The following UST variants were observed in gnomAD, a reference collection of about 807,000 sequenced individuals.
The protein encoded by UST is uronyl 2-sulfotransferase.
A neutral mutation model predicts 45.6 loss-of-function variants in UST; 21 were observed. The ratio of observed to expected loss-of-function variants is 0.46; its 90% CI spans 0.33 to 0.66. UST has a LOEUF of 0.66. Ranked by LOEUF, UST falls within the 30% of genes least tolerant of loss-of-function variation. UST has a pLI of 0.02. For missense variants in UST, 463 were observed against 512.4 expected (o/e 0.90, Z 0.93); for synonymous variants, 215 against 200.6 (o/e 1.07, Z -0.61).
chr6:148,799,701 C>G (rs1044224100), intron 1 of UST, among the ~76,000 whole-genome samples: 1 of 152,112 alleles, frequency 6.6e-6, no homozygotes, highest in African/African-American at 2.4e-5. Context: ...TTATCTCTCT[C>G]TTCCTGCAAT....
At chr6:149,027,553 TC>T (rs1776067125) in intron 7 of UST, 1 of 152,202 alleles carries the variant, frequency 6.6e-6, no homozygotes, top group African/African-American at 2.4e-5. Context: ...TCAAAAATAT[TC>T]CTAGGCAGTC....
intron 1 of UST, among the ~76,000 whole-genome samples, chr6:148,759,108 T>A (rs1776153443): frequency 6.6e-6 from 1 of 152,266 alleles, no homozygotes; most frequent in East Asian, 1.9e-4. Flanking sequence ...TTTCATTAGA[T>A]CCATGATTCT....
intron 1 of UST, among the ~76,000 whole-genome samples, chr6:148,810,329 T>A (rs572469193): frequency 6.6e-6 from 1 of 152,360 alleles, no homozygotes; most frequent in South Asian, 2.1e-4. Flanking sequence ...GTTCAAAAAC[T>A]GTACTTTCAA....
chr6:149,037,456 C>G (rs1056382262), intron 7 of UST, among the ~76,000 whole-genome samples: 5 of 152,166 alleles, frequency 3.3e-5, no homozygotes, highest in African/African-American at 1.2e-4. Flanking sequence ...AAAGAAAACA[C>G]GGAGGCCCAG....
intron 5 of UST, chr6:148,964,804 G>T: frequency 1.9e-6 from 1 of 536,300 alleles, no homozygotes. Flanking sequence ...GTTGTCTTTA[G>T]TGCTAGGTTT....
At chr6:148,762,619 T>G (rs1382813810) in intron 1 of UST, among the ~76,000 whole-genome samples, 1 of 151,956 alleles carries the variant, frequency 6.6e-6, no homozygotes, top group Non-Finnish European at 1.5e-5. Context: ...AGGTTTGGGT[T>G]CCTAGTGTAC....
chr6:148,804,235 C>CA (rs1356365885), intron 1 of UST, among the ~76,000 whole-genome samples: 1 of 152,172 alleles, frequency 6.6e-6, no homozygotes, highest in African/African-American at 2.4e-5. Context: ...GCTCTCATCT[C>CA]AGAGATAGAG....
chr6:148,966,545 T>C (rs1780803167), intron 5 of UST, among the ~76,000 whole-genome samples: 1 of 152,234 alleles, frequency 6.6e-6, no homozygotes, highest in African/African-American at 2.4e-5. Flanking sequence ...AACACTACTC[T>C]TCAAATATTA....
At chr6:148,951,272 C>T (rs1780357884) in intron 3 of UST, among the ~76,000 whole-genome samples, 1 of 152,114 alleles carries the variant, frequency 6.6e-6, no homozygotes, top group Admixed American at 6.5e-5. Context: ...GTAACCTGAA[C>T]CAGACTGTCC....
chr6:148,802,657 C>T (rs537695835), intron 1 of UST, among the ~76,000 whole-genome samples: 28 of 152,128 alleles, frequency 1.8e-4, no homozygotes, highest in Middle Eastern at 3.4e-3. Context: ...TTGTAAGTGA[C>T]GAGAATTGAG....
At chr6:149,008,752 T>C (rs539079451) in intron 5 of UST, among the ~76,000 whole-genome samples, 9 of 152,360 alleles carry the variant, frequency 5.9e-5, no homozygotes, top group Admixed American at 2.6e-4. Flanking sequence ...ATTTCATCCC[T>C]ACCTGGGAAA....
intron 5 of UST, among the ~76,000 whole-genome samples, chr6:148,965,920 T>C (rs1262125236): frequency 1.3e-5 from 2 of 149,818 alleles, no homozygotes; most frequent in Non-Finnish European, 3.0e-5. Context: ...GAAACCCTAA[T>C]CTATTTCTTT....
intron 1 of UST, among the ~76,000 whole-genome samples, chr6:148,862,622 G>A (rs946390179): frequency 6.6e-6 from 1 of 152,206 alleles, no homozygotes; most frequent in Non-Finnish European, 1.5e-5. Context: ...GCATGTTTTT[G>A]CAGTGGCTGG....
chr6:148,997,182 A>T (rs928405309), intron 5 of UST, among the ~76,000 whole-genome samples: 3 of 152,246 alleles, frequency 2.0e-5, no homozygotes, highest in Non-Finnish European at 2.9e-5. Context: ...TATAATAAAA[A>T]TAGGGAACAT....
At chr6:149,047,170 C>T (rs1191570136) in intron 7 of UST, among the ~76,000 whole-genome samples, 5 of 152,266 alleles carry the variant, frequency 3.3e-5, no homozygotes, top group African/African-American at 9.6e-5. Context: ...AAAATATATA[C>T]ACACCCCATT....
At chr6:148,796,622 TCAAAAAA>T (rs1297560039) in intron 1 of UST, among the ~76,000 whole-genome samples, 1 of 44,440 alleles carries the variant, frequency 2.3e-5, no homozygotes, top group Non-Finnish European at 4.5e-5. Context: ...AGACTCTGTC[TCAAAAAA>T]AAAAAAAAAA....
At chr6:148,889,449 AAAG>A (rs962937019) in intron 2 of UST, among the ~76,000 whole-genome samples, 5 of 152,168 alleles carry the variant, frequency 3.3e-5, no homozygotes, top group South Asian at 2.1e-4. Flanking sequence ...TAGAGGGGGA[AAAG>A]AAGAATGGTG....
At chr6:148,761,538 TG>T (rs1776221873) in intron 1 of UST, among the ~76,000 whole-genome samples, 3 of 144,950 alleles carry the variant, frequency 2.1e-5, no homozygotes, top group South Asian at 4.3e-4. Context: ...AAAAAAAAAG[TG>T]TGTAAAATCA....
At chr6:148,912,821 G>A (rs1046485013) in intron 2 of UST, among the ~76,000 whole-genome samples, 1 of 152,182 alleles carries the variant, frequency 6.6e-6, no homozygotes, top group African/African-American at 2.4e-5. Context: ...TGCCAACAAG[G>A]TGGCTGTTTC....
Sources: gnomAD v4.1 joint callset for allele counts (sites outside exome capture counted in the v4.1 genomes callset) on GRCh38, gnomAD v4.1.1 for gene constraint, MANE v1.5 for transcripts, NCBI Gene and HGNC (gene_info 2026-07-23, HGNC 2026-07-21) for gene names.